Variants in PRR16 observed in about 807,000 individuals in gnomAD.
PRR16 encodes the protein protein Largen.
In PRR16, 6 loss-of-function variants were observed where a neutral mutation model predicts 18.2. The observed-to-expected ratio is 0.33, with a 90% confidence interval of 0.18 to 0.65. The LOEUF (loss-of-function observed/expected upper bound fraction) is 0.65, where lower values mean the gene tolerates loss of function less well. Ranked by LOEUF, PRR16 falls within the 30% of genes least tolerant of loss-of-function variation. PRR16 has a pLI of 0.74. For missense variants in PRR16, 412 were observed against 376.6 expected (o/e 1.09, Z -0.78); for synonymous variants, 151 against 147.8 (o/e 1.02, Z -0.16).
the PRR16 span, among the ~76,000 whole-genome samples, chr5:120,713,450 A>G: frequency 2.0e-5 from 3 of 152,226 alleles, no homozygotes; most frequent in African/African-American, 7.2e-5. Context: ...TAGTAAATAT[A>G]AAGTGATAAC....
intron 1 of PRR16, among the ~76,000 whole-genome samples, chr5:120,542,344 T>C (rs755430329): frequency 2.6e-5 from 4 of 152,170 alleles, no homozygotes; most frequent in Non-Finnish European, 5.9e-5. Context: ...TCCTTCTATT[T>C]TGGAATGATT....
At chr5:120,685,104 C>T (rs947683956) in intron 1 of PRR16, among the ~76,000 whole-genome samples, 2 of 152,184 alleles carry the variant, frequency 1.3e-5, no homozygotes, top group Non-Finnish European at 2.9e-5. Flanking sequence ...AATATCTTTG[C>T]CTGTGTCTTA....
At chr5:120,474,610 C>G (rs1362032451) in intron 1 of PRR16, among the ~76,000 whole-genome samples, 1 of 148,920 alleles carries the variant, frequency 6.7e-6, no homozygotes, top group East Asian at 1.9e-4. Flanking sequence ...AAAAAAAACC[C>G]ATTATCTGTA....
At chr5:120,551,508 T>C (rs990173361) in intron 1 of PRR16, among the ~76,000 whole-genome samples, 1 of 151,848 alleles carries the variant, frequency 6.6e-6, no homozygotes, top group East Asian at 1.9e-4. Context: ...TCTCTTAGCA[T>C]AGGGCCTGGC....
At chr5:120,540,347 C>T (rs1384390690) in intron 1 of PRR16, among the ~76,000 whole-genome samples, 1 of 151,276 alleles carries the variant, frequency 6.6e-6, no homozygotes, top group African/African-American at 2.4e-5. Flanking sequence ...TCCTCCTTAA[C>T]ATGATTTTCG....
intron 1 of PRR16, among the ~76,000 whole-genome samples, chr5:120,681,983 A>G (rs1429001873): frequency 1.3e-5 from 2 of 152,208 alleles, no homozygotes; most frequent in African/African-American, 4.8e-5. Context: ...CAGTTCTGAA[A>G]GTACTAATTC....
chr5:120,519,027 G>A (rs913188337), intron 1 of PRR16, among the ~76,000 whole-genome samples: 1 of 152,010 alleles, frequency 6.6e-6, no homozygotes, highest in Non-Finnish European at 1.5e-5. Flanking sequence ...ATAGTTTGGC[G>A]ATAAATAAGC....
chr5:120,481,365 A>G, intron 1 of PRR16: 1 of 344,290 alleles, frequency 2.9e-6, no homozygotes, highest in Non-Finnish European at 5.9e-6. Context: ...TCTTGAGCTC[A>G]GGTGATCTGT....
chr5:120,529,275 A>G (rs1751467991), intron 1 of PRR16, among the ~76,000 whole-genome samples: 1 of 152,174 alleles, frequency 6.6e-6, no homozygotes, highest in Non-Finnish European at 1.5e-5. Context: ...GTTAATTATG[A>G]TATGATCACT....
intron 1 of PRR16, among the ~76,000 whole-genome samples, chr5:120,667,311 C>T (rs1756421632): frequency 6.7e-6 from 1 of 148,602 alleles, no homozygotes. Context: ...TCCCCTTTAT[C>T]ATTTTTTATT....
rs1749899430 is a variant in PRR16 at position 120,488,497 on chromosome 5, C to A, written c.159+23852C>A. On this transcript the variant is annotated intron_variant, in intron 1 of 1. Coordinates refer to ENST00000407149, the MANE Select transcript of PRR16 (RefSeq NM_001300783.2). ...TTTCTGTGCGATTGGTGGTGATATC[C>A]CATTTATCATTTTTTATTGTGTCTA... Among the ~76,000 whole-genome samples the A allele has an allele frequency of 5.3e-5, 8 of 152,138 alleles. No homozygotes were observed. The South Asian group carries it at 1.7e-3, about 32-fold the overall frequency.
chr5:120,776,866 T>A, the PRR16 span, among the ~76,000 whole-genome samples: 157 of 152,236 alleles, frequency 1.0e-3, no homozygotes, highest in African/African-American at 3.3e-3. Context: ...GTAATTCTTA[T>A]TATTGTTGAT....
intron 1 of PRR16, among the ~76,000 whole-genome samples, chr5:120,556,571 A>G (rs908060040): frequency 2.6e-5 from 4 of 151,976 alleles, no homozygotes; most frequent in African/African-American, 4.8e-5. Flanking sequence ...ACTACCACCA[A>G]TTAAAGGAAA....
intron 1 of PRR16, among the ~76,000 whole-genome samples, chr5:120,572,275 A>T (rs1369996824): frequency 2.0e-5 from 3 of 152,184 alleles, no homozygotes; most frequent in East Asian, 3.9e-4. Context: ...ATTTGTGGCC[A>T]TATGTAACTG....
chr5:120,701,653 A>G, the PRR16 span, among the ~76,000 whole-genome samples: 4 of 152,028 alleles, frequency 2.6e-5, no homozygotes, highest in East Asian at 1.9e-4. Context: ...AGCAGCCTGG[A>G]GAGGAAAGGA....
chr5:120,568,731 C>T (rs1011644667), intron 1 of PRR16, among the ~76,000 whole-genome samples: 1 of 151,996 alleles, frequency 6.6e-6, no homozygotes, highest in Non-Finnish European at 1.5e-5. Flanking sequence ...TATACATCAA[C>T]ACAAATTTTT....
chr5:120,761,192 C>A, the PRR16 span, among the ~76,000 whole-genome samples: 1 of 151,986 alleles, frequency 6.6e-6, no homozygotes. Flanking sequence ...TTTAATTAAT[C>A]TCTATGCATG....
At chr5:120,738,241 G>A in the PRR16 span, among the ~76,000 whole-genome samples, 1 of 151,938 alleles carries the variant, frequency 6.6e-6, no homozygotes, top group African/African-American at 2.4e-5. Flanking sequence ...ACATCTATGG[G>A]GGCTCGTGGG....
At chr5:120,480,942 T>C (rs1013300009) in intron 1 of PRR16, among the ~76,000 whole-genome samples, 2 of 152,170 alleles carry the variant, frequency 1.3e-5, no homozygotes, top group Admixed American at 6.6e-5. Flanking sequence ...TTTCACTCTG[T>C]GCTAACAGTA....
Sources: allele counts gnomAD v4.1 joint callset (sites outside exome capture counted in the v4.1 genomes callset), GRCh38; gene constraint gnomAD v4.1.1; transcripts MANE v1.5; gene names NCBI Gene and HGNC (gene_info 2026-07-23, HGNC 2026-07-21).